TECRL: variants seen among roughly 807,000 people sequenced by gnomAD.
The protein encoded by TECRL is trans-2,3-enoyl-CoA reductase-like.
A neutral mutation model predicts 52.8 loss-of-function variants in TECRL; 63 were observed. The observed-to-expected ratio is 1.19, with a 90% CI of 0.97 to 1.47. The LOEUF is 1.47. Among genes scored for constraint, TECRL ranks in the 40% most tolerant of loss-of-function variants. The pLI is 0.00. For synonymous variants in TECRL, 164 were observed against 141.9 expected, an observed-to-expected ratio of 1.16 and a Z score of -1.10; for missense variants, 482 against 429.6, an observed-to-expected ratio of 1.12 and a Z score of -1.08.
chr4:64,301,508 ACAAAGC>A (rs1724017347), intron 7 of TECRL, among the ~76,000 whole-genome samples: 2 of 151,234 alleles, frequency 1.3e-5, no homozygotes, highest in Admixed American at 1.3e-4. Flanking sequence ...GAAAGTACAC[ACAAAGC>A]CAAAGTCAAT....
At chr4:64,290,161 T>C (rs1384857) in intron 8 of TECRL, among the ~76,000 whole-genome samples, 101,944 of 151,974 alleles carry the variant, frequency 0.67, 35,397 homozygotes, top group Non-Finnish European at 0.76. Flanking sequence ...ATATTTCTAG[T>C]GAAATGGTGA....
At chr4:64,362,628 T>C (rs1721277779) in intron 2 of TECRL, among the ~76,000 whole-genome samples, 1 of 90,736 alleles carries the variant, frequency 1.1e-5, no homozygotes, top group South Asian at 4.1e-4. Context: ...AAAATAAAAC[T>C]TTTTTCAGAG....
chr4:64,342,571 C>G (rs1719663908), intron 2 of TECRL, among the ~76,000 whole-genome samples: 1 of 151,952 alleles, frequency 6.6e-6, no homozygotes, highest in Admixed American at 6.6e-5. Flanking sequence ...CAAAGTCTGT[C>G]CACATTCACT....
At chr4:64,404,007 A>C (rs1050891499) in intron 1 of TECRL, among the ~76,000 whole-genome samples, 1 of 152,110 alleles carries the variant, frequency 6.6e-6, no homozygotes, top group Non-Finnish European at 1.5e-5. Flanking sequence ...ATCATGTACA[A>C]GGTAAAGTAT....
chr4:64,304,398 C>T (rs1305925309), intron 7 of TECRL, among the ~76,000 whole-genome samples: 1 of 151,892 alleles, frequency 6.6e-6, no homozygotes, highest in African/African-American at 2.4e-5. Flanking sequence ...CTCTATATTA[C>T]AACTTCAGCC....
At chr4:64,339,673 C>T (rs1719410486) in intron 2 of TECRL, among the ~76,000 whole-genome samples, 1 of 151,998 alleles carries the variant, frequency 6.6e-6, no homozygotes, top group Non-Finnish European at 1.5e-5. Context: ...CCTTGATCTA[C>T]TCAAATCTGA....
At chr4:64,348,355 A>G (rs1483200811) in intron 2 of TECRL, among the ~76,000 whole-genome samples, 1 of 152,198 alleles carries the variant, frequency 6.6e-6, no homozygotes, top group Non-Finnish European at 1.5e-5. Flanking sequence ...TGGTTTCAAG[A>G]AAGCACCCCC....
intron 2 of TECRL, 41 bp from the exon 3 acceptor site, chr4:64,328,597 T>A (rs759376523): frequency 6.5e-7 from 1 of 1,547,270 alleles, no homozygotes; most frequent in Non-Finnish European, 8.9e-7. Flanking sequence ...AGAAAAAGTG[T>A]AACTATAGCT....
chr4:64,289,362 G>C (rs1300930498), intron 9 of TECRL, among the ~76,000 whole-genome samples: 1 of 152,148 alleles, frequency 6.6e-6, no homozygotes, highest in Non-Finnish European at 1.5e-5. Flanking sequence ...TATTGTACAA[G>C]TGGGATCAAT....
chr4:64,279,995 T>A lies in TECRL; in HGVS notation c.*77A>T. On this transcript the variant is annotated 3_prime_UTR_variant, in exon 12 of 12. Coordinates refer to ENST00000381210, the MANE Select transcript of TECRL (RefSeq NM_001010874.5). Reference sequence around the variant, plus strand: ...TTGCTCATGAATTGTTGGAGTATAATAGTTAACTATCCTTAACTAAGTCTT... The same window carrying A: ...TTGCTCATGAATTGTTGGAGTATAAAAGTTAACTATCCTTAACTAAGTCTT... The A allele has an allele frequency of 6.7e-7, 1 of 1,491,548 alleles. No homozygotes were observed. The highest frequency in any genetic ancestry group is 1.3e-5 in the South Asian group (1 of 75,934). The allele number at this position is 1,491,548 out of a possible 1,614,324, so 92.4% of individuals were successfully genotyped here. A position where few individuals can be genotyped will look rare whatever the true frequency, so the allele number is the denominator to read the frequency against.
At position 64,289,719 on chromosome 4, in the gene TECRL, T is replaced by C; in HGVS notation, c.823A>G (p.Asn275Asp). ...HFINVMLSHP[N>D]HTGNNACFPS... ...AGAAAAAAGAACTAACCTGTGTGAT[T>C]GGGATGAGACAACATTACATTGATG... The change falls in exon 9 of 12, where the codon AAT becomes GAT. Residue 275 changes from asparagine to aspartate, a missense_variant. By Grantham distance (23) the Asn-to-Asp change is conservative. Transcript: ENST00000381210. 1 of 1,542,592 alleles carries C rather than the reference T, an allele frequency of 6.5e-7. No homozygotes were observed. Among genetic ancestry groups the C allele is most frequent in the East Asian group, 2.5e-5 (1 of 40,578 alleles).
intron 1 of TECRL, among the ~76,000 whole-genome samples, chr4:64,397,494 G>A (rs947804412): frequency 3.3e-5 from 5 of 151,166 alleles, no homozygotes; most frequent in Admixed American, 6.6e-5. Flanking sequence ...AGGTTATTAG[G>A]GATTAGCACC....
Position 64,289,698 on chromosome 4 carries a change from A to T in TECRL, c.832+12T>A, listed in dbSNP as rs1329633887. The T allele has an allele frequency of 2.6e-6, 4 of 1,516,802 alleles. No homozygotes were observed. The highest frequency in any genetic ancestry group is 3.5e-6 in the Non-Finnish European group (4 of 1,141,870). The allele number at this position is 1,516,802 out of a possible 1,614,324, so 94.0% of individuals were successfully genotyped here. A position where few individuals can be genotyped will look rare whatever the true frequency, so the allele number is the denominator to read the frequency against. Reference sequence around the variant, plus strand: ...TTCACTCTAAAGAAAAGAAAAAGAAAAAAGAACTAACCTGTGTGATTGGGA... The same window carrying T: ...TTCACTCTAAAGAAAAGAAAAAGAATAAAGAACTAACCTGTGTGATTGGGA... On this transcript the variant is annotated intron_variant, in intron 9 of 11. Transcript: ENST00000381210.
At chr4:64,303,805 T>G (rs1211750763) in intron 7 of TECRL, among the ~76,000 whole-genome samples, 1 of 151,856 alleles carries the variant, frequency 6.6e-6, no homozygotes, top group Non-Finnish European at 1.5e-5. Flanking sequence ...CTGTATCTCA[T>G]GTATATTACA....
chr4:64,305,250 A>G lies in TECRL; in HGVS notation c.658-12T>C. The G allele has an allele frequency of 6.2e-7, 1 of 1,610,374 alleles. No individual in the cohort carries two copies. Among genetic ancestry groups the G allele is most frequent in the Admixed American group, 1.7e-5 (1 of 59,278 alleles). Reference sequence around the variant, plus strand: ...TAAAAGGCACAACTCTGCAAACAAAACAAAACAAAATAAAAGTTAGGAAAA... The same window carrying G: ...TAAAAGGCACAACTCTGCAAACAAAGCAAAACAAAATAAAAGTTAGGAAAA... On this transcript the variant is annotated splice_polypyrimidine_tract_variant and intron_variant, in intron 6 of 11. Transcript: ENST00000381210.
chr4:64,305,499 G>T (rs1233656332), intron 6 of TECRL, among the ~76,000 whole-genome samples: 1 of 152,098 alleles, frequency 6.6e-6, no homozygotes, highest in African/African-American at 2.4e-5. Context: ...TCAGAAGAGG[G>T]CCAACACCTG....
chr4:64,361,183 T>C (rs527992857), intron 2 of TECRL, among the ~76,000 whole-genome samples: 48 of 152,188 alleles, frequency 3.2e-4, no homozygotes, highest in African/African-American at 1.0e-3. Context: ...ACCCTGACTA[T>C]CCACCAGAGT....
intron 4 of TECRL, among the ~76,000 whole-genome samples, chr4:64,316,001 T>C (rs930856534): frequency 2.7e-4 from 3 of 11,106 alleles, no homozygotes; most frequent in Admixed American, 1.2e-3. Context: ...AAATACCCCA[T>C]TATTCTATAG....
intron 1 of TECRL, among the ~76,000 whole-genome samples, chr4:64,397,369 A>T (rs867980272): frequency 1.3e-5 from 2 of 152,036 alleles, no homozygotes; most frequent in African/African-American, 2.4e-5. Context: ...ACTACAGTAC[A>T]TTTATTAAGT....
Sources: gnomAD v4.1 joint callset for allele counts (sites outside exome capture counted in the v4.1 genomes callset) on GRCh38, gnomAD v4.1.1 for gene constraint, MANE v1.5 for transcripts, NCBI Gene and HGNC (gene_info 2026-07-23, HGNC 2026-07-21) for gene names.